Variants in MTUS1 observed in about 807,000 individuals in gnomAD.
The protein encoded by MTUS1 is microtubule-associated tumor suppressor 1.
MTUS1 carries 109 observed loss-of-function variants against 120.8 expected under a neutral mutation model. That is an observed-to-expected ratio of 0.90 (90% CI 0.77 to 1.06). MTUS1 has a LOEUF of 1.06. MTUS1 is among the 50% of genes least tolerant of loss of function. The probability of loss-of-function intolerance (pLI) is 0.00; values close to 1 mark genes in which losing one functional copy is unlikely to be tolerated. For missense variants in MTUS1, 2,210 were observed against 1,486.3 expected (o/e 1.49, Z -8.01); for synonymous variants, 737 against 550.5 (o/e 1.34, Z -4.74).
intron 3 of MTUS1, among the ~76,000 whole-genome samples, chr8:17,736,680 G>A (rs975086938): frequency 1.1e-4 from 16 of 152,008 alleles, no homozygotes; most frequent in Non-Finnish European, 2.1e-4. Context: ...CACCTCCCAG[G>A]TTCAAGAGAT....
chr8:17,755,707 G>C lies in MTUS1; in HGVS notation c.101C>G (p.Pro34Arg). The change falls in exon 2 of 15, where the codon CCA (proline) becomes CGA (arginine). Residue 34 changes from proline (P) to arginine (R), a missense_variant. Physicochemically the swap from Pro to Arg is moderately radical, Grantham distance 103. Coordinates refer to ENST00000693296, the MANE Select transcript of MTUS1 (RefSeq NM_001363059.2). ...GNTHAYNPKS[P>R]PTQNSSASSV... Reference sequence around the variant, plus strand: ...GCTGGCTGAAGAGTTTTGTGTAGGTGGTGATTTCGGGTTGTATGCATGTGT... The same window carrying C: ...GCTGGCTGAAGAGTTTTGTGTAGGTCGTGATTTCGGGTTGTATGCATGTGT... 1 of 1,614,148 alleles carries C rather than the reference G, an allele frequency of 6.2e-7. No homozygotes were observed.
At chr8:17,748,924 T>C (rs1322459930) in intron 2 of MTUS1, among the ~76,000 whole-genome samples, 1 of 152,212 alleles carries the variant, frequency 6.6e-6, no homozygotes, top group Admixed American at 6.5e-5. Flanking sequence ...AATGGGAGTC[T>C]GAGCCTTACT....
Position 17,753,969 on chromosome 8 carries a change from T to C in MTUS1, c.1839A>G (p.Glu613=), listed in dbSNP as rs2048385265. ...TAGAAGAACTGGCTTTGTCAACATC[T>C]TCCTGATTCGATTTCACGGCAGATG... is the stretch of plus-strand genomic sequence containing the variant. The part of the protein sequence containing the change: ...RTTSAVKSNQ[E]DVDKASSSNS... The change falls in exon 2 of 15, where the codon GAA becomes GAG. Residue 613 remains glutamate, a synonymous_variant. Coordinates refer to ENST00000693296, the MANE Select transcript of MTUS1 (RefSeq NM_001363059.2). 6.2e-7 allele frequency: 1 copy of C among 1,614,212 alleles called. No individual in the cohort carries two copies. Among genetic ancestry groups the C allele is most frequent in the East Asian group, 2.2e-5 (1 of 44,890 alleles).
chr8:17,686,405 A>G (rs1301809881), intron 6 of MTUS1, among the ~76,000 whole-genome samples: 5 of 152,220 alleles, frequency 3.3e-5, no homozygotes, highest in Non-Finnish European at 7.3e-5. Flanking sequence ...ACATATAAAC[A>G]TCTATGTGTT....
Position 17,754,008 on chromosome 8 carries a change from C to A in MTUS1, c.1800G>T (p.Arg600Ser), listed in dbSNP as rs770634269. ...VTTHSKNASH[R>S]VPRTTSAVKS... ...TCACGGCAGATGTTGTTCTTGGAACCCTGTGTGAAGCATTTTTAGAATGAG... is the reference window on the plus strand; with the variant it reads ...TCACGGCAGATGTTGTTCTTGGAACACTGTGTGAAGCATTTTTAGAATGAG... The change falls in exon 2 of 15, where the codon AGG becomes AGT. Residue 600 changes from arginine (R) to serine (S), a missense_variant. By Grantham distance (110) the Arg-to-Ser change is moderately radical. Coordinates refer to ENST00000693296, the MANE Select transcript of MTUS1 (RefSeq NM_001363059.2). The A allele has an allele frequency of 3.7e-6, 6 of 1,614,122 alleles. No homozygotes were observed. The highest frequency in any genetic ancestry group is 2.2e-5 in the East Asian group (1 of 44,888).
At chr8:17,719,897 C>T (rs1003124822) in intron 4 of MTUS1, among the ~76,000 whole-genome samples, 2 of 152,186 alleles carry the variant, frequency 1.3e-5, no homozygotes, top group Non-Finnish European at 2.9e-5. Context: ...ACAATGAGGC[C>T]CTGTCTTATT....
At chr8:17,745,544 T>C (rs1256537018) in intron 2 of MTUS1, among the ~76,000 whole-genome samples, 2 of 152,226 alleles carry the variant, frequency 1.3e-5, no homozygotes, top group Non-Finnish European at 2.9e-5. Flanking sequence ...TCAATTTTCA[T>C]TTTTACTATG....
intron 1 of MTUS1, among the ~76,000 whole-genome samples, chr8:17,761,501 T>C (rs1353988998): frequency 1.3e-5 from 2 of 152,230 alleles, no homozygotes; most frequent in African/African-American, 2.4e-5. Context: ...TAGCAGATTA[T>C]ACAATAGCTG....
At chr8:17,732,630 A>T (rs1188716196) in intron 3 of MTUS1, among the ~76,000 whole-genome samples, 1 of 152,042 alleles carries the variant, frequency 6.6e-6, no homozygotes, top group Non-Finnish European at 1.5e-5. Context: ...CCAGTTTTCT[A>T]CTCCACATGG....
intron 6 of MTUS1, chr8:17,703,848 C>T (rs1170049143): frequency 6.6e-6 from 1 of 152,174 alleles, no homozygotes; most frequent in African/African-American, 2.4e-5. Flanking sequence ...TTGCTCTGGT[C>T]CTGTTTCCTC....
At chr8:17,680,040 T>C (rs550372794) in intron 7 of MTUS1, among the ~76,000 whole-genome samples, 1 of 152,244 alleles carries the variant, frequency 6.6e-6, no homozygotes, top group East Asian at 1.9e-4. Flanking sequence ...AAATTTCCTG[T>C]CTTAAAAAGC....
In MTUS1 at chr8:17,754,036, G is replaced by C. The variant is rs1242278375; in HGVS notation, c.1772C>G (p.Thr591Arg). The C allele has an allele frequency of 2.5e-6, 4 of 1,614,032 alleles. No homozygotes were observed. Among genetic ancestry groups the C allele is most frequent in the Non-Finnish European group, 3.4e-6 (4 of 1,180,038 alleles). ...GTGTGAAGCATTTTTAGAATGAGTT[G>C]TAACATGCACAGCCTGGCTAGTAAT... ...KLITSQAVHV[T>R]THSKNASHRV... Residue 591 changes from threonine to arginine, a missense_variant, in exon 2 of 15, where the codon ACA becomes AGA. Coordinates refer to ENST00000693296, the MANE Select transcript of MTUS1 (RefSeq NM_001363059.2).
intron 1 of MTUS1, among the ~76,000 whole-genome samples, chr8:17,784,156 G>A (rs1563388005): frequency 6.6e-6 from 1 of 152,058 alleles, no homozygotes; most frequent in Non-Finnish European, 1.5e-5. Context: ...ACTTCCTATA[G>A]CTTAGCCGTT....
chr8:17,702,369 C>T (rs1819263345), intron 6 of MTUS1, among the ~76,000 whole-genome samples: 1 of 151,974 alleles, frequency 6.6e-6, no homozygotes, highest in African/African-American at 2.4e-5. Context: ...CTTATTTTTC[C>T]CTTTCTTTTT....
chr8:17,715,117 G>A (rs1272289114), intron 5 of MTUS1, among the ~76,000 whole-genome samples: 1 of 151,510 alleles, frequency 6.6e-6, no homozygotes, highest in African/African-American at 2.4e-5. Context: ...TGTCGGCCAG[G>A]CTGGTCTCAA....
chr8:17,669,761 C>T (rs1237768634), intron 8 of MTUS1, among the ~76,000 whole-genome samples: 3 of 152,152 alleles, frequency 2.0e-5, no homozygotes, highest in Admixed American at 1.3e-4. Context: ...AGGACAGTCA[C>T]ATGAATCCAG....
rs1164057875 is a variant in MTUS1 at position 17,646,001 on chromosome 8, G to C, written c.3738C>G (p.Pro1246=). The stretch of plus-strand genomic sequence containing the variant: ...ACTGCAAAGGGATGGCGGAGGATGT[G>C]GGGGATCTCTTGGGGCTACACAGGT... ...NGDLCSPKRS[P]TSSAIPLQSP... The change falls in exon 15 of 15, where the codon CCC becomes CCG. Residue 1246 remains proline (P), a synonymous_variant. Coordinates refer to ENST00000693296, the MANE Select transcript of MTUS1 (RefSeq NM_001363059.2). 4 of 1,613,622 alleles carry C rather than the reference G, an allele frequency of 2.5e-6. No homozygotes were observed. The highest frequency in any genetic ancestry group is 1.7e-6 in the Non-Finnish European group (2 of 1,179,946).
chr8:17,690,715 A>G (rs983536687), intron 6 of MTUS1, among the ~76,000 whole-genome samples: 1 of 152,196 alleles, frequency 6.6e-6, no homozygotes, highest in African/African-American at 2.4e-5. Context: ...CCTAGGACTC[A>G]GGTCACCAGG....
At chr8:17,788,162 A>G (rs2051465053) in intron 1 of MTUS1, among the ~76,000 whole-genome samples, 1 of 152,176 alleles carries the variant, frequency 6.6e-6, no homozygotes, top group Non-Finnish European at 1.5e-5. Context: ...CACATTCTGT[A>G]TCTTGATTGG....
Sources: allele counts gnomAD v4.1 joint callset (sites outside exome capture counted in the v4.1 genomes callset), GRCh38; gene constraint gnomAD v4.1.1; transcripts MANE v1.5; gene names NCBI Gene and HGNC (gene_info 2026-07-23, HGNC 2026-07-21).